TATDN2: variants seen among roughly 807,000 people sequenced by gnomAD.
TATDN2 encodes 3'-5' RNA nuclease TATDN2.
A neutral mutation model predicts 60.3 loss-of-function variants in TATDN2; 44 were observed. The observed-to-expected ratio is 0.73, with a 90% CI of 0.57 to 0.94. TATDN2 has a LOEUF of 0.94. TATDN2 is among the 40% of genes least tolerant of loss of function. TATDN2 has a pLI of 0.00. For missense variants in TATDN2, 997 were observed against 948.0 expected, an observed-to-expected ratio of 1.05 and a Z score of -0.68; for synonymous variants, 399 against 355.8, an observed-to-expected ratio of 1.12 and a Z score of -1.37.
Position 10,270,336 on chromosome 3 carries a change from A to G in TATDN2, c.1154A>G (p.Tyr385Cys), listed in dbSNP as rs942584202. The G allele has an allele frequency of 1.4e-5, 22 of 1,614,100 alleles. No homozygotes were observed. Among genetic ancestry groups the G allele is most frequent in the Non-Finnish European group, 1.8e-5 (21 of 1,180,012 alleles). Reference protein sequence around the residue: ...YSSPWCDYASYWTSSPKPSSY... With the variant: ...YSSPWCDYASCWTSSPKPSSY... ...AGTCCTTGGTGTGACTACGCCAGCT[A>G]TTGGACCAGCAGCCCCAAGCCTTCT... Residue 385 changes from tyrosine (Y) to cysteine (C), a missense_variant, in exon 4 of 8, where the codon TAT (tyrosine) becomes TGT (cysteine). Physicochemically the swap from Tyr to Cys is radical, Grantham distance 194. Transcript: ENST00000448281.
chr3:10,268,560 T>C (rs990056346), intron 3 of TATDN2, among the ~76,000 whole-genome samples: 5 of 152,234 alleles, frequency 3.3e-5, no homozygotes, highest in African/African-American at 7.2e-5. Context: ...ATGTGCTTAC[T>C]GTATTTCTCA....
chr3:10,250,660 T>C (rs1698222126), intron 2 of TATDN2, among the ~76,000 whole-genome samples: 2 of 152,260 alleles, frequency 1.3e-5, no homozygotes, highest in African/African-American at 4.8e-5. Flanking sequence ...TAAGTGCCCC[T>C]GGTTTTTTCA....
In TATDN2 at chr3:10,257,776, C is replaced by T. The variant is rs541901264; in HGVS notation, c.415-2361C>T. On this transcript the variant is annotated intron_variant, in intron 2 of 7. Coordinates refer to ENST00000448281, the MANE Select transcript of TATDN2 (RefSeq NM_014760.4). ...TCTTCGTGAAGTTAGCAGCTGCCAACAGTTTGAGTACTTTCAGGAAAATAG... is the reference window on the plus strand; with the variant it reads ...TCTTCGTGAAGTTAGCAGCTGCCAATAGTTTGAGTACTTTCAGGAAAATAG... Among the ~76,000 whole-genome samples the T allele has an allele frequency of 2.1e-5, 3 of 143,964 alleles. No individual in the cohort carries two copies. The South Asian group carries it at 6.6e-4, about 32-fold the overall frequency. The allele number at this position is 143,964 out of a possible 152,430, so 94.4% of individuals were successfully genotyped here.
chr3:10,249,485 G>A lies in TATDN2; in HGVS notation c.285G>A (p.Gly95=). 1.2e-6 allele frequency: 2 copies of A among 1,613,426 alleles called. No homozygotes were observed. The highest frequency in any genetic ancestry group is 1.7e-6 in the Non-Finnish European group (2 of 1,179,718). ...SPHFLGPGVG[G]AASKGCLIRN... ...ATTTCTTGGGCCCTGGTGTGGGCGG[G>A]GCCGCCTCCAAAGGCTGCCTGATTC... Residue 95 remains glycine (G), a synonymous_variant, in exon 2 of 8, where the codon GGG becomes GGA. Transcript: ENST00000448281.
chr3:10,263,549 A>G (rs994933152), intron 3 of TATDN2, among the ~76,000 whole-genome samples: 7 of 151,400 alleles, frequency 4.6e-5, no homozygotes, highest in Non-Finnish European at 4.4e-5. Flanking sequence ...TTATCTTCCA[A>G]CCCAGCTGTT....
intron 3 of TATDN2, among the ~76,000 whole-genome samples, chr3:10,265,860 G>A (rs2125177355): frequency 6.6e-6 from 1 of 152,120 alleles, no homozygotes; most frequent in East Asian, 1.9e-4. Context: ...TGGGAGCAGG[G>A]GTCTGGAGAT....
At chr3:10,256,257 T>C (rs1448936228) in intron 2 of TATDN2, among the ~76,000 whole-genome samples, 1 of 152,140 alleles carries the variant, frequency 6.6e-6, no homozygotes, top group Non-Finnish European at 1.5e-5. Context: ...TACTGTGACC[T>C]TGACCTTCCA....
intron 4 of TATDN2, among the ~76,000 whole-genome samples, chr3:10,274,034 G>A (rs1416023510): frequency 6.6e-6 from 1 of 152,168 alleles, no homozygotes; most frequent in Non-Finnish European, 1.5e-5. Flanking sequence ...ACTAACTCTG[G>A]AATCCCTGGA....
chr3:10,278,537 T>C lies in TATDN2; in HGVS notation c.2145+75T>C. The C allele has an allele frequency of 1.3e-6, 2 of 1,585,246 alleles. No individual in the cohort carries two copies. Among genetic ancestry groups the C allele is most frequent in the Non-Finnish European group, 1.7e-6 (2 of 1,158,518 alleles). On this transcript the variant is annotated intron_variant, in intron 6 of 7. Transcript: ENST00000448281. This position sits in a 1 kb window ranked among gnomAD's most constrained non-coding sequence, Gnocchi z 4.7. ...AGGTGGGTGGTCACCCTTACAAGGT[T>C]GGCAGGGCCAGAGCCCCAGTGACTT...
intron 4 of TATDN2, 37 bp downstream of exon 4, chr3:10,271,052 T>C: frequency 6.7e-7 from 1 of 1,501,904 alleles, no homozygotes; most frequent in Non-Finnish European, 8.8e-7. Flanking sequence ...ATAGTTTTAA[T>C]TTTTCTTTTA....
At chr3:10,255,128 G>C (rs1196842966) in intron 2 of TATDN2, among the ~76,000 whole-genome samples, 1 of 149,638 alleles carries the variant, frequency 6.7e-6, no homozygotes, top group Non-Finnish European at 1.5e-5. Context: ...TCCTGCCTCA[G>C]CCTCCCAAGT....
In TATDN2 at chr3:10,270,288, T is replaced by G. The variant is rs1698539769; in HGVS notation, c.1106T>G (p.Met369Arg). The G allele has an allele frequency of 6.2e-7, 1 of 1,614,082 alleles. No homozygotes were observed. Among genetic ancestry groups the G allele is most frequent in the African/African-American group, 1.3e-5 (1 of 74,924 alleles). ...TCTTCCTTCACCACCGACTATGTCATGTACCCTCCTCATTTGTACAGTAGT... is the reference window on the plus strand; with the variant it reads ...TCTTCCTTCACCACCGACTATGTCAGGTACCCTCCTCATTTGTACAGTAGT... ...EPSSFTTDYV[M>R]YPPHLYSSPW... The change falls in exon 4 of 8, where the codon ATG becomes AGG. Residue 369 changes from methionine (M) to arginine (R), a missense_variant. Coordinates refer to ENST00000448281, the MANE Select transcript of TATDN2 (RefSeq NM_014760.4).
rs748637887 is a variant in TATDN2, at chr3:10,262,390, C to CT, written c.948+1727dup. Among the ~76,000 whole-genome samples the CT allele has an allele frequency of 5.9e-5, 9 of 152,108 alleles. No homozygotes were observed. In the East Asian group the frequency reaches 9.6e-4, roughly 16 times the overall value. On this transcript the variant is annotated intron_variant, in intron 3 of 7. Coordinates refer to ENST00000448281, the MANE Select transcript of TATDN2 (RefSeq NM_014760.4). ...TCTTGAGAAAGGGTACATGGAGAAA[C>CT]TTTTTTTGGTAAACATGTGTCTGAG... is the stretch of plus-strand genomic sequence containing the variant.
chr3:10,251,535 G>C (rs527245484), intron 2 of TATDN2, among the ~76,000 whole-genome samples: 1 of 151,746 alleles, frequency 6.6e-6, no homozygotes, highest in Non-Finnish European at 1.5e-5. Context: ...ACAGGTGTGC[G>C]CTACCGTGCC....
chr3:10,272,031 CT>C (rs1336614568), intron 4 of TATDN2, among the ~76,000 whole-genome samples: 2 of 152,036 alleles, frequency 1.3e-5, no homozygotes, highest in South Asian at 2.1e-4. Context: ...CGCCCGCCCC[CT>C]GTTAATATTT....
rs1391534602 is a variant in TATDN2 at position 10,278,920 on chromosome 3, C to T, written c.2181C>T (p.Gly727=). The change falls in exon 7 of 8, where the codon GGC becomes GGT. Residue 727 remains glycine (G), a synonymous_variant. Coordinates refer to ENST00000448281, the MANE Select transcript of TATDN2 (RefSeq NM_014760.4). The surrounding 1 kb of genome is among the most constrained non-coding windows in gnomAD (Gnocchi z 4.7). ...GCCTTTGCCAGTATGCCCACCCGGG[C>T]CTGGCCTTGCATACGGTCCGAGAGA... ...PKSLCQYAHP[G]LALHTVREIA... is the part of the protein sequence containing the mutation. 2 of 1,613,268 alleles carry T rather than the reference C, an allele frequency of 1.2e-6. No homozygotes were observed. Among genetic ancestry groups the T allele is most frequent in the South Asian group, 1.1e-5 (1 of 90,920 alleles).
At position 10,270,063 on chromosome 3, in the gene TATDN2, A is replaced by C. The variant is rs2125178933; in HGVS notation, c.949-68A>C. 4 of 1,543,418 alleles carry C rather than the reference A, an allele frequency of 2.6e-6. No individual in the cohort carries two copies. The African/African-American group carries it at 4.1e-5, about 16-fold the overall frequency. On this transcript the variant is annotated intron_variant, in intron 3 of 7. Coordinates refer to ENST00000448281, the MANE Select transcript of TATDN2 (RefSeq NM_014760.4). ...ACAAGCCAGGGTTTATGTTCAGCTGATGACAGCCTGGGAGGCCATCTTCAC... is the reference window on the plus strand; with the variant it reads ...ACAAGCCAGGGTTTATGTTCAGCTGCTGACAGCCTGGGAGGCCATCTTCAC...
intron 2 of TATDN2, among the ~76,000 whole-genome samples, chr3:10,256,012 AT>A: frequency 6.6e-6 from 1 of 152,184 alleles, no homozygotes; most frequent in Admixed American, 6.5e-5. Context: ...TCACCTCCCC[AT>A]TTTATGTCCT....
intron 3 of TATDN2, 88 bp from the exon 4 acceptor site, chr3:10,270,043 C>T: frequency 1.3e-6 from 2 of 1,499,994 alleles, no homozygotes; most frequent in Non-Finnish European, 1.8e-6. Flanking sequence ...GAAGAACAAG[C>T]CAGGGTTTAT....
Sources: allele counts gnomAD v4.1 joint callset (sites outside exome capture counted in the v4.1 genomes callset), GRCh38; gene constraint gnomAD v4.1.1; non-coding constraint Gnocchi (gnomAD v3.1); transcripts MANE v1.5; gene names NCBI Gene and HGNC (gene_info 2026-07-23, HGNC 2026-07-21).